Variants in SEC16A observed in about 807,000 individuals in gnomAD.
SEC16A encodes protein transport protein Sec16A.
Under a neutral mutation model 221.9 loss-of-function variants are expected in SEC16A, and 110 were observed. The observed-to-expected ratio is 0.50, with a 90% CI of 0.42 to 0.58. SEC16A has a LOEUF of 0.58. SEC16A is among the 20% of genes least tolerant of loss of function. The pLI is 0.00. For missense variants in SEC16A, 3,165 were observed against 3,097.8 expected (o/e 1.02, Z -0.52); for synonymous variants, 1,393 against 1,257.7 (o/e 1.11, Z -2.28).
chr9:136,465,863 C>T, intron 8 of SEC16A, 99 bp downstream of exon 8: 1 of 1,282,232 alleles, frequency 7.8e-7, no homozygotes, highest in Non-Finnish European at 1.1e-6. Context: ...CAGGACATCA[C>T]AATTCCAATC....
chr9:136,446,277 T>G (rs980689054), intron 28 of SEC16A, among the ~76,000 whole-genome samples: 1 of 151,402 alleles, frequency 6.6e-6, no homozygotes, highest in African/African-American at 2.4e-5. Context: ...AGGTAAATTT[T>G]GTTTTTTTTT....
At chr9:136,451,824 T>C (rs1000092497) in intron 22 of SEC16A, among the ~76,000 whole-genome samples, 2 of 152,236 alleles carry the variant, frequency 1.3e-5, no homozygotes, top group African/African-American at 4.8e-5. Flanking sequence ...CAATTTTTAA[T>C]AGCTCAACCC....
Position 136,459,622 on chromosome 9 carries a change from C to T in SEC16A, c.5192-67G>A, listed in dbSNP as rs567819911. On this transcript the variant is annotated intron_variant, in intron 15 of 31. Transcript: ENST00000684901. This position sits in a 1 kb window ranked among gnomAD's most constrained non-coding sequence, Gnocchi z 6.1. ...CGGGAGCGCTTGCAGAAGTCAAGGA[C>T]GCGCACAGAAGGCACCAGAGACGCC... is the stretch of plus-strand genomic sequence containing the variant. The T allele has an allele frequency of 9.3e-6, 13 of 1,405,052 alleles. No homozygotes were observed. Among genetic ancestry groups the T allele is most frequent in the East Asian group, 4.9e-5 (2 of 40,428 alleles). 87.0% of individuals were successfully genotyped at this position (1,405,052 alleles called of 1,614,324 possible).
chr9:136,446,389 A>G (rs931947062), intron 28 of SEC16A, among the ~76,000 whole-genome samples: 1 of 151,138 alleles, frequency 6.6e-6, no homozygotes, highest in Non-Finnish European at 1.5e-5. Flanking sequence ...GATTACAGGC[A>G]TCATCCACCA....
At chr9:136,472,755 G>A (rs1454403105) in intron 3 of SEC16A, among the ~76,000 whole-genome samples, 1 of 152,242 alleles carries the variant, frequency 6.6e-6, no homozygotes, top group African/African-American at 2.4e-5. Context: ...CAGAATTCAC[G>A]CTTAAGCGCC....
At chr9:136,450,554 G>A (rs548231070) in intron 23 of SEC16A, among the ~76,000 whole-genome samples, 42 of 152,190 alleles carry the variant, frequency 2.8e-4, no homozygotes, top group Non-Finnish European at 1.9e-4. Flanking sequence ...ACAGGGACAC[G>A]AGAAGGTGCC....
chr9:136,451,021 G>GCGAC (rs1837715034), intron 23 of SEC16A, among the ~76,000 whole-genome samples: 1 of 152,206 alleles, frequency 6.6e-6, no homozygotes, highest in South Asian at 2.1e-4. Context: ...GTGGCCAGAG[G>GCGAC]CGACCTCTGG....
chr9:136,480,783 G>C (rs1037701315), intron 1 of SEC16A, among the ~76,000 whole-genome samples: 1 of 152,058 alleles, frequency 6.6e-6, no homozygotes, highest in Non-Finnish European at 1.5e-5. Flanking sequence ...CCAGCTACTC[G>C]GGAGGCTGAG....
intron 9 of SEC16A, 56 bp downstream of exon 9, chr9:136,464,364 A>T (rs888055599): frequency 6.6e-7 from 1 of 1,519,484 alleles, no homozygotes; most frequent in South Asian, 1.2e-5. Context: ...ACTGCAAAGC[A>T]GAGAGTTCCC....
At position 136,461,202 on chromosome 9, in the gene SEC16A, G is replaced by A. The variant is rs763425163; in HGVS notation, c.4966C>T (p.Arg1656Trp). Residue 1656 changes from arginine (R) to tryptophan (W), a missense_variant, in exon 13 of 32, where the codon CGG becomes TGG. By Grantham distance (101) the Arg-to-Trp change is moderately radical. Transcript: ENST00000684901. ...CTGGTCATGACTCGGGCGTGTGTCC[G>A]GCTGTCCATCTTACTTGCAAGTAGC... ...ALLLASKMDSRTHARVMTRFA... is the reference protein window; with the variant it reads ...ALLLASKMDSWTHARVMTRFA... 90 of 1,607,458 alleles carry A rather than the reference G, an allele frequency of 5.6e-5. No individual in the cohort carries two copies. Among genetic ancestry groups the A allele is most frequent in the Non-Finnish European group, 6.6e-5 (78 of 1,177,186 alleles).
rs1477631047 is a variant in SEC16A at position 136,477,201 on chromosome 9, T to C, written c.415A>G (p.Asn139Asp). 6.2e-7 allele frequency: 1 copy of C among 1,613,876 alleles called. No homozygotes were observed. The highest frequency in any genetic ancestry group is 2.2e-5 in the East Asian group (1 of 44,880). Reference protein sequence around the residue: ...TPSAPPGPEMNRSAEVGPSSE... With the variant: ...TPSAPPGPEMDRSAEVGPSSE... ...CTGGGACCGACCTCTGCACTCCTGT[T>C]CATCTCAGGCCCAGGAGGTGCTGAA... The change falls in exon 3 of 32, where the codon AAC (asparagine) becomes GAC (aspartate). Residue 139 changes from asparagine to aspartate, a missense_variant. Asn to Asp is a conservative substitution (Grantham distance 23). Around this residue, in one of 3 missense-constraint regions of SEC16A, gnomAD observed 2,030 missense variants for 1,923.1 expected, o/e 1.06. Transcript: ENST00000684901.
intron 5 of SEC16A, 30 bp from the exon 6 acceptor site, chr9:136,467,113 G>A: frequency 6.2e-7 from 1 of 1,609,396 alleles, no homozygotes; most frequent in Non-Finnish European, 8.5e-7. Context: ...GATTAATACA[G>A]TAACATGCAA....
chr9:136,483,610 T>C (rs1318594442), upstream of SEC16A: 1 of 984,708 alleles, frequency 1.0e-6, no homozygotes, highest in Admixed American at 6.2e-5. Context: ...TCTTTTTTCG[T>C]TTTAAGATGT....
Position 136,464,085 on chromosome 9 carries a change from G to A in SEC16A, c.4446+335C>T, listed in dbSNP as rs1309028972. ...AGCGCCGTGCACGTCCACCCCACCC[G>A]CCCCCCTCACCTGGGCAGCACCGGG... On this transcript the variant is annotated intron_variant, in intron 9 of 31. Coordinates refer to ENST00000684901, the MANE Select transcript of SEC16A (RefSeq NM_014866.2). Among the ~76,000 whole-genome samples the A allele has an allele frequency of 1.3e-4, 11 of 86,834 alleles. No homozygotes were observed. In the East Asian group the frequency reaches 2.7e-3, roughly 21 times the overall value. The allele number at this position is 86,834 out of a possible 152,430, so 57.0% of individuals were successfully genotyped here.
chr9:136,469,479 ACAGT>A (rs1840583962), intron 4 of SEC16A, among the ~76,000 whole-genome samples: 1 of 152,186 alleles, frequency 6.6e-6, no homozygotes, highest in South Asian at 2.1e-4. Context: ...CCTGGTAAAC[ACAGT>A]GAGACCCTGT....
In SEC16A at chr9:136,459,217, T is replaced by C; in HGVS notation, c.5326A>G (p.Thr1776Ala). The C allele has an allele frequency of 6.2e-7, 1 of 1,613,766 alleles. No homozygotes were observed. Among genetic ancestry groups the C allele is most frequent in the Non-Finnish European group, 8.5e-7 (1 of 1,179,750 alleles). ...TCCGTCCTCTGGATTGCTTCGTTGG[T>C]TGCGAACTTTAAGAATGGCAAACTG... ...NHSLPFLKFA[T>A]NEAIQRTEAY... is the part of the protein sequence containing the mutation. Residue 1776 changes from threonine (T) to alanine (A), a missense_variant, in exon 17 of 32, where the codon ACC (threonine) becomes GCC (alanine). Thr to Ala is a moderately conservative substitution (Grantham distance 58, BLOSUM62 0). Around this residue, in one of 3 missense-constraint regions of SEC16A, gnomAD observed 1,088 missense variants for 1,089.6 expected, o/e 1.00. Transcript: ENST00000684901. This position sits in a 1 kb window ranked among gnomAD's most constrained non-coding sequence, Gnocchi z 6.1.
intron 12 of SEC16A, among the ~76,000 whole-genome samples, chr9:136,462,309 T>C (rs560379117): frequency 9.2e-5 from 14 of 152,040 alleles, no homozygotes; most frequent in Non-Finnish European, 1.9e-4. Flanking sequence ...CCTGTGCACA[T>C]AGTGTCACTG....
rs1299534200 is a variant in SEC16A, at chr9:136,441,791, C to T, written c.7038G>A (p.Gly2346=). The change falls in exon 32 of 32, where the codon GGG becomes GGA. Residue 2346 remains glycine, a synonymous_variant. Coordinates refer to ENST00000684901, the MANE Select transcript of SEC16A (RefSeq NM_014866.2). ...CCAGGTGCTTCCTCTGGCCAATCCT[C>T]CCTAGCCTTGAGCTCCCGGAGGTGG... The part of the protein sequence containing the change: ...ACATSGSSRL[G]RIGQRKHLVL... The T allele has an allele frequency of 1.9e-6, 3 of 1,613,282 alleles. No individual in the cohort carries two copies. The South Asian group carries it at 3.3e-5, about 18-fold the overall frequency.
chr9:136,451,236 C>T lies in SEC16A; in HGVS notation c.6312+20G>A, dbSNP rs781423839. On this transcript the variant is annotated intron_variant, in intron 23 of 31. Transcript: ENST00000684901. Reference sequence around the variant, plus strand: ...CAAACCCTCCCGGCCGCCAGGCGCACCGTGGGCAGGCTGTACTACCTTCTT... The same window carrying T: ...CAAACCCTCCCGGCCGCCAGGCGCATCGTGGGCAGGCTGTACTACCTTCTT... The T allele has an allele frequency of 3.3e-5, 53 of 1,604,852 alleles. No individual in the cohort carries two copies. The highest frequency in any genetic ancestry group is 4.3e-5 in the Non-Finnish European group (50 of 1,175,666).
Sources: allele counts gnomAD v4.1 joint callset (sites outside exome capture counted in the v4.1 genomes callset), GRCh38; gene constraint gnomAD v4.1.1; regional missense constraint gnomAD v4.1.1; non-coding constraint Gnocchi (gnomAD v3.1); transcripts MANE v1.5; gene names NCBI Gene and HGNC (gene_info 2026-07-23, HGNC 2026-07-21).